Variants in ANXA13 observed in about 807,000 individuals in gnomAD.
ANXA13 encodes the protein annexin A13.
In ANXA13, 36 loss-of-function variants were observed where a neutral mutation model predicts 46.6. The observed-to-expected ratio is 0.77, with a 90% confidence interval of 0.59 to 1.02. The LOEUF (loss-of-function observed/expected upper bound fraction) is 1.02, where lower values mean the gene tolerates loss of function less well. Ranked by LOEUF, ANXA13 falls within the 50% of genes least tolerant of loss-of-function variation. The probability of loss-of-function intolerance (pLI) is 0.00; values close to 1 mark genes in which losing one functional copy is unlikely to be tolerated. For missense variants in ANXA13, 417 were observed against 396.5 expected, an observed-to-expected ratio of 1.05 and a Z score of -0.44; for synonymous variants, 163 against 152.9, an observed-to-expected ratio of 1.07 and a Z score of -0.49.
chr8:123,702,603 A>AT (rs1813464319), intron 3 of ANXA13, 39 bp downstream of exon 3: 3 of 1,554,428 alleles, frequency 1.9e-6, no homozygotes, highest in Non-Finnish European at 2.7e-6. Flanking sequence ...GGCTGAGGCC[A>AT]TGGCTGGGTG....
chr8:123,724,326 T>TTAG, intron 1 of ANXA13, among the ~76,000 whole-genome samples: 3 of 152,230 alleles, frequency 2.0e-5, no homozygotes, highest in African/African-American at 7.2e-5. Flanking sequence ...AAGATATAGA[T>TTAG]TAGTAGCCTT....
At chr8:123,695,606 GA>G in intron 5 of ANXA13, 25 bp from the exon 6 acceptor site, 1 of 1,610,700 alleles carries the variant, frequency 6.2e-7, no homozygotes. Context: ...AACAAGGAGG[GA>G]AGAAAGCAGA....
chr8:123,693,048 A>T, intron 8 of ANXA13, 149 bp downstream of exon 8: 1 of 724,356 alleles, frequency 1.4e-6, no homozygotes, highest in Non-Finnish European at 2.4e-6. Context: ...AGACATTATC[A>T]AATATTCCCT....
At chr8:123,717,765 G>A (rs1185793461) in intron 1 of ANXA13, among the ~76,000 whole-genome samples, 3 of 152,248 alleles carry the variant, frequency 2.0e-5, no homozygotes, top group African/African-American at 7.2e-5. Flanking sequence ...CTAGTAGGGA[G>A]TAGGCCGAGG....
At chr8:123,683,712 G>A (rs548913581) in intron 10 of ANXA13, among the ~76,000 whole-genome samples, 56 of 151,338 alleles carry the variant, frequency 3.7e-4, no homozygotes, top group Non-Finnish European at 6.0e-4. Context: ...TCAGCCTCCT[G>A]AGTAGCTGGG....
chr8:123,707,157 C>T (rs1362322801), intron 2 of ANXA13, among the ~76,000 whole-genome samples: 1 of 152,300 alleles, frequency 6.6e-6, no homozygotes, highest in Middle Eastern at 3.4e-3. Context: ...TGAACGGATG[C>T]TTAAACATGT....
At chr8:123,695,787 G>A in intron 4 of ANXA13, 66 bp from the exon 5 acceptor site, 14 of 1,384,636 alleles carry the variant, frequency 1.0e-5, no homozygotes, top group Non-Finnish European at 1.4e-5. Flanking sequence ...GAGATACAGA[G>A]AGAAGAGGCG....
In ANXA13 at chr8:123,737,340, T is replaced by C. The variant is rs764043080; in HGVS notation, c.-6A>G. The C allele has an allele frequency of 1.9e-6, 3 of 1,610,326 alleles. No individual in the cohort carries two copies. The highest frequency in any genetic ancestry group is 2.5e-6 in the Non-Finnish European group (3 of 1,177,696). On this transcript the variant is annotated 5_prime_UTR_variant, in exon 1 of 11. Coordinates refer to ENST00000419625, the MANE Select transcript of ANXA13 (RefSeq NM_004306.4). ...CTTACATGACGATTGCCCATTTTCC[T>C]TTTTCTGAGATGGTTTTTCTGTATT... is the stretch of plus-strand genomic sequence containing the variant.
intron 9 of ANXA13, among the ~76,000 whole-genome samples, chr8:123,685,601 T>A (rs1353136200): frequency 6.6e-6 from 1 of 152,202 alleles, no homozygotes; most frequent in Non-Finnish European, 1.5e-5. Flanking sequence ...GAATGTGCAA[T>A]CTTACTATGT....
At position 123,681,241 on chromosome 8, in the gene ANXA13, C is replaced by T. The variant is rs1405484713; in HGVS notation, c.950G>A (p.Ter317=). 7 of 1,607,184 alleles carry T rather than the reference C, an allele frequency of 4.4e-6. No homozygotes were observed. The highest frequency in any genetic ancestry group is 5.9e-6 in the Non-Finnish European group (7 of 1,176,750). The change falls in exon 11 of 11, where the codon TGA becomes TAA. Residue 317 remains the stop codon, a stop_retained_variant. Transcript: ENST00000419625. Reference sequence around the variant, plus strand: ...GTGTTCCTATTGCCCTGGCTTGGCTCAGTGCAAGAGGGCTACTAGCAGTTT... The same window carrying T: ...GTGTTCCTATTGCCCTGGCTTGGCTTAGTGCAAGAGGGCTACTAGCAGTTT... ...FRKLLVALLH[*]
At chr8:123,712,835 G>A (rs1813685357) in intron 1 of ANXA13, 82 bp from the exon 2 acceptor site, 2 of 1,185,978 alleles carry the variant, frequency 1.7e-6, no homozygotes, top group South Asian at 1.3e-5. Flanking sequence ...GCAAACTGGA[G>A]GACCAAATAG....
At chr8:123,684,573 G>A in intron 10 of ANXA13, 37 bp downstream of exon 10, 2 of 1,430,344 alleles carry the variant, frequency 1.4e-6, no homozygotes, top group Non-Finnish European at 2.0e-6. Flanking sequence ...AAAAAGAGAA[G>A]TTGCAGCCGC....
At chr8:123,691,557 A>G (rs772017633) in intron 8 of ANXA13, among the ~76,000 whole-genome samples, 1 of 152,106 alleles carries the variant, frequency 6.6e-6, no homozygotes, top group Non-Finnish European at 1.5e-5. Flanking sequence ...AACTCATTTA[A>G]TCCTTATTAA....
chr8:123,695,814 C>A (rs1458280693), intron 4 of ANXA13, 93 bp from the exon 5 acceptor site: 8 of 1,093,872 alleles, frequency 7.3e-6, no homozygotes, highest in South Asian at 1.4e-5. Context: ...CATGTCTGGA[C>A]ACAAAGTGCC....
chr8:123,732,684 T>G (rs1163748368), intron 1 of ANXA13, among the ~76,000 whole-genome samples: 1 of 151,716 alleles, frequency 6.6e-6, no homozygotes, highest in Non-Finnish European at 1.5e-5. Flanking sequence ...TTTTTTTTTT[T>G]GCATCCACCA....
Position 123,693,207 on chromosome 8 carries a change from G to C in ANXA13, c.632C>G (p.Ala211Gly), listed in dbSNP as rs1389439796. 2 of 1,613,854 alleles carry C rather than the reference G, an allele frequency of 1.2e-6. No homozygotes were observed. The highest frequency in any genetic ancestry group is 1.3e-5 in the African/African-American group (1 of 74,892). Reference protein sequence around the residue: ...SYKQLRATFQAYQILIGKDIE... With the variant: ...SYKQLRATFQGYQILIGKDIE... ...TACTTTATGACTTACAATTTGATAG[G>C]CTTGAAAGGTGGCTCGTAACTGCTT... Residue 211 changes from alanine to glycine, a missense_variant, in exon 8 of 11, where the codon GCC becomes GGC. Coordinates refer to ENST00000419625, the MANE Select transcript of ANXA13 (RefSeq NM_004306.4).
intron 1 of ANXA13, among the ~76,000 whole-genome samples, chr8:123,726,350 A>G (rs1813992260): frequency 6.6e-6 from 1 of 152,206 alleles, no homozygotes. Context: ...AGGAGTTAGG[A>G]GACCTGACTT....
chr8:123,726,216 C>T (rs1586339780), intron 1 of ANXA13, among the ~76,000 whole-genome samples: 1 of 152,160 alleles, frequency 6.6e-6, no homozygotes, highest in East Asian at 1.9e-4. Flanking sequence ...CATTTCAGCA[C>T]CTTTTAATGA....
At chr8:123,681,448 T>C (rs1236730468) in intron 10 of ANXA13, 89 bp from the exon 11 acceptor site, 12 of 1,315,188 alleles carry the variant, frequency 9.1e-6, no homozygotes, top group Non-Finnish European at 1.0e-5. Context: ...TATACTCATT[T>C]GCTCATTCAT....
Sources: allele counts gnomAD v4.1 joint callset (sites outside exome capture counted in the v4.1 genomes callset), GRCh38; gene constraint gnomAD v4.1.1; transcripts MANE v1.5; gene names NCBI Gene and HGNC (gene_info 2026-07-23, HGNC 2026-07-21).